PDE8A: variants seen among roughly 807,000 people sequenced by gnomAD.
PDE8A encodes the protein phosphodiesterase 8A.
PDE8A carries 59 observed loss-of-function variants against 105.0 expected under a neutral mutation model. The ratio of observed to expected loss-of-function variants is 0.56; its 90% CI spans 0.46 to 0.70. PDE8A has a LOEUF of 0.70. PDE8A is among the 30% of genes least tolerant of loss of function. PDE8A has a pLI of 0.00. For missense variants in PDE8A, 1,014 were observed against 1,045.9 expected, an observed-to-expected ratio of 0.97 and a Z score of 0.42; for synonymous variants, 355 against 371.9, an observed-to-expected ratio of 0.95 and a Z score of 0.52.
chr15:85,097,439 G>A (rs1440983582), intron 8 of PDE8A, among the ~76,000 whole-genome samples: 1 of 152,108 alleles, frequency 6.6e-6, no homozygotes, highest in Non-Finnish European at 1.5e-5. Flanking sequence ...CTTGGTCCTG[G>A]CTGTTATCTC....
Position 85,083,632 on chromosome 15 carries a change from A to T in PDE8A, c.623A>T (p.Gln208Leu), listed in dbSNP as rs907657454. 3.1e-6 allele frequency: 5 copies of T among 1,610,750 alleles called. No homozygotes were observed. The highest frequency in any genetic ancestry group is 2.5e-6 in the Non-Finnish European group (3 of 1,177,008). ...LQLEFGEVRSQLKLRACNSVF... is the reference protein window; with the variant it reads ...LQLEFGEVRSLLKLRACNSVF... ...CTGGAGTTTGGAGAGGTGCGATCACAACTGAAACTCAGGTAATTCTACCAC... is the reference window on the plus strand; with the variant it reads ...CTGGAGTTTGGAGAGGTGCGATCACTACTGAAACTCAGGTAATTCTACCAC... The change falls in exon 6 of 22, where the codon CAA becomes CTA. Residue 208 changes from glutamine to leucine, a missense_variant. Physicochemically the swap from Gln to Leu is moderately radical, Grantham distance 113 (BLOSUM62 -2). Coordinates refer to ENST00000394553, the MANE Select transcript of PDE8A (RefSeq NM_002605.3).
intron 8 of PDE8A, among the ~76,000 whole-genome samples, chr15:85,091,796 G>C (rs550208940): frequency 6.6e-6 from 1 of 151,894 alleles, no homozygotes; most frequent in African/African-American, 2.4e-5. Flanking sequence ...GGTTATTTCT[G>C]TGAACCACAG....
intron 1 of PDE8A, among the ~76,000 whole-genome samples, chr15:85,024,874 T>A: frequency 6.6e-6 from 1 of 152,232 alleles, no homozygotes; most frequent in East Asian, 1.9e-4. Context: ...AGTCATTCTT[T>A]TGAACAGCGG....
chr15:85,054,961 T>C (rs937492371), intron 1 of PDE8A, among the ~76,000 whole-genome samples: 7 of 152,200 alleles, frequency 4.6e-5, no homozygotes, highest in African/African-American at 1.4e-4. Flanking sequence ...TGCTATAAAT[T>C]TCCCTCTACA....
At chr15:85,131,037 C>T (rs1393397923) in intron 20 of PDE8A, among the ~76,000 whole-genome samples, 1 of 152,118 alleles carries the variant, frequency 6.6e-6, no homozygotes, top group African/African-American at 2.4e-5. Context: ...GATTACAGGC[C>T]TGAGCCACCG....
intron 6 of PDE8A, among the ~76,000 whole-genome samples, chr15:85,086,814 G>C (rs1034575796): frequency 5.9e-5 from 9 of 151,968 alleles, no homozygotes; most frequent in African/African-American, 2.2e-4. Context: ...GCAGTGGCAT[G>C]ATCTCTGCTC....
At chr15:85,075,327 G>A (rs57482637) in intron 3 of PDE8A, among the ~76,000 whole-genome samples, 13,440 of 152,102 alleles carry the variant, frequency 0.088, 1,634 homozygotes, top group African/African-American at 0.28. Flanking sequence ...CTTTCTGACC[G>A]ATTACAATAT....
chr15:85,092,712 T>G (rs1038132205), intron 8 of PDE8A, among the ~76,000 whole-genome samples: 11 of 151,992 alleles, frequency 7.2e-5, no homozygotes, highest in African/African-American at 2.7e-4. Flanking sequence ...AGGAGGCAAG[T>G]AGAGGTAAGG....
intron 11 of PDE8A, among the ~76,000 whole-genome samples, chr15:85,102,470 A>C (rs1422926015): frequency 6.6e-6 from 1 of 151,956 alleles, no homozygotes; most frequent in Non-Finnish European, 1.5e-5. Flanking sequence ...TGGGCCTGTT[A>C]TGGAGAGTCC....
intron 1 of PDE8A, among the ~76,000 whole-genome samples, chr15:85,027,707 G>A (rs1254867820): frequency 3.9e-5 from 6 of 152,152 alleles, no homozygotes; most frequent in Non-Finnish European, 7.4e-5. Context: ...ACACAATTCT[G>A]TGCTTTTATT....
intron 20 of PDE8A, among the ~76,000 whole-genome samples, chr15:85,129,258 C>A (rs1293366591): frequency 6.6e-6 from 1 of 152,184 alleles, no homozygotes; most frequent in Non-Finnish European, 1.5e-5. Context: ...ATGCTGGCCT[C>A]ATGGAATGAG....
chr15:85,128,565 G>T (rs771558063), intron 20 of PDE8A, among the ~76,000 whole-genome samples: 3 of 152,222 alleles, frequency 2.0e-5, no homozygotes, highest in Admixed American at 2.0e-4. Context: ...AATTTACAAA[G>T]TTTGCTCATT....
intron 1 of PDE8A, among the ~76,000 whole-genome samples, chr15:85,007,856 T>G (rs1192933525): frequency 6.6e-6 from 1 of 152,142 alleles, no homozygotes; most frequent in Non-Finnish European, 1.5e-5. Context: ...CAGAGAGAGC[T>G]CTTGGACATT....
At chr15:84,998,202 G>C (rs1218954475) in intron 1 of PDE8A, among the ~76,000 whole-genome samples, 2 of 152,164 alleles carry the variant, frequency 1.3e-5, no homozygotes, top group Non-Finnish European at 2.9e-5. Flanking sequence ...GAAACCCTAA[G>C]GCAGTTGTGA....
intron 12 of PDE8A, among the ~76,000 whole-genome samples, chr15:85,111,438 A>G (rs971483876): frequency 2.0e-5 from 3 of 152,170 alleles, no homozygotes; most frequent in Non-Finnish European, 4.4e-5. Context: ...ACCCTAGGGA[A>G]ATCCAACTCG....
chr15:85,062,515 A>G (rs572130749), intron 1 of PDE8A: 6 of 152,226 alleles, frequency 3.9e-5, no homozygotes, highest in Non-Finnish European at 7.3e-5. Flanking sequence ...CTTCAACTGG[A>G]GGGGGAATGG....
intron 1 of PDE8A, among the ~76,000 whole-genome samples, chr15:84,998,041 C>G (rs866455685): frequency 7.9e-5 from 12 of 152,258 alleles, no homozygotes; most frequent in Middle Eastern, 3.4e-3. Context: ...TGAAAAAGCC[C>G]TAAATTAAAA....
At chr15:85,050,143 C>G (rs916233694) in intron 1 of PDE8A, among the ~76,000 whole-genome samples, 4 of 152,030 alleles carry the variant, frequency 2.6e-5, no homozygotes, top group Non-Finnish European at 5.9e-5. Context: ...TGTGTATGTT[C>G]AAGTCCTTTG....
At chr15:85,054,098 C>G (rs946568611) in intron 1 of PDE8A, among the ~76,000 whole-genome samples, 1 of 152,132 alleles carries the variant, frequency 6.6e-6, no homozygotes, top group African/African-American at 2.4e-5. Flanking sequence ...GTCTTTGGTT[C>G]TGTTTATATG....
Sources: allele counts gnomAD v4.1 joint callset (sites outside exome capture counted in the v4.1 genomes callset), GRCh38; gene constraint gnomAD v4.1.1; transcripts MANE v1.5; gene names NCBI Gene and HGNC (gene_info 2026-07-23, HGNC 2026-07-21).